CSGALNACT1: variants seen among roughly 807,000 people sequenced by gnomAD.
CSGALNACT1 encodes chondroitin sulfate N-acetylgalactosaminyltransferase 1.
A neutral mutation model predicts 51.0 loss-of-function variants in CSGALNACT1; 52 were observed. The observed-to-expected ratio is 1.02, with a 90% CI of 0.82 to 1.29. The LOEUF is 1.29. Ranked by LOEUF, CSGALNACT1 falls within the 50% of genes most tolerant of loss-of-function variation. The probability of loss-of-function intolerance (pLI) is 0.00; values close to 1 mark genes in which losing one functional copy is unlikely to be tolerated. For synonymous variants in CSGALNACT1, 341 were observed against 254.4 expected, an observed-to-expected ratio of 1.34 and a Z score of -3.24; for missense variants, 935 against 679.2, an observed-to-expected ratio of 1.38 and a Z score of -4.19.
intron 4 of CSGALNACT1, among the ~76,000 whole-genome samples, chr8:19,474,869 G>GAAAAAAAAAAAAAAAA (rs10683237): frequency 9.3e-5 from 8 of 86,146 alleles, no homozygotes; most frequent in East Asian, 3.5e-4. Context: ...CTCTGTCTCA[G>GAAAAAAAAAAAAAAAA]AAAAAAAAAA....
chr8:19,468,257 C>T (rs906865999), intron 4 of CSGALNACT1, among the ~76,000 whole-genome samples: 1 of 152,234 alleles, frequency 6.6e-6, no homozygotes. Flanking sequence ...GAAAGATAAT[C>T]GTGGAAGCAA....
chr8:19,603,044 G>A (rs368390117), upstream of CSGALNACT1, among the ~76,000 whole-genome samples: 12 of 100,262 alleles, frequency 1.2e-4, no homozygotes, highest in South Asian at 1.5e-3. Flanking sequence ...ATTACTGTGT[G>A]TATACACACA....
chr8:19,605,639 C>T (rs536424175), upstream of CSGALNACT1, among the ~76,000 whole-genome samples: 1 of 151,962 alleles, frequency 6.6e-6, no homozygotes. Flanking sequence ...GCAGGATGTG[C>T]GTGAGAGCGG....
intron 4 of CSGALNACT1, among the ~76,000 whole-genome samples, chr8:19,461,276 C>T (rs962557718): frequency 1.3e-5 from 2 of 152,212 alleles, no homozygotes; most frequent in African/African-American, 4.8e-5. Flanking sequence ...TTCATTCCTT[C>T]AGGAATGTAG....
intron 1 of CSGALNACT1, among the ~76,000 whole-genome samples, chr8:19,704,271 C>G (rs778871304): frequency 6.6e-6 from 1 of 152,172 alleles, no homozygotes; most frequent in Admixed American, 6.5e-5. Context: ...ACAGACCCTT[C>G]CAGGCCGATA....
At chr8:19,709,198 A>T (rs779747284) in intron 1 of CSGALNACT1, among the ~76,000 whole-genome samples, 6 of 152,230 alleles carry the variant, frequency 3.9e-5, no homozygotes, top group Non-Finnish European at 8.8e-5. Flanking sequence ...GCTATGCTGG[A>T]AAGAAGCTAA....
At chr8:19,436,505 T>C (rs2060398412) in intron 6 of CSGALNACT1, among the ~76,000 whole-genome samples, 1 of 152,196 alleles carries the variant, frequency 6.6e-6, no homozygotes, top group African/African-American at 2.4e-5. Flanking sequence ...CTATAATTTA[T>C]GCAAGTTACA....
At chr8:19,553,390 A>G (rs1460676287) in intron 3 of CSGALNACT1, among the ~76,000 whole-genome samples, 29 of 151,972 alleles carry the variant, frequency 1.9e-4, no homozygotes, top group Non-Finnish European at 2.9e-5. Context: ...AAATTTCACT[A>G]AATGCCTGTG....
chr8:19,552,820 A>T (rs894834205), intron 3 of CSGALNACT1, among the ~76,000 whole-genome samples: 1 of 152,194 alleles, frequency 6.6e-6, no homozygotes, highest in Non-Finnish European at 1.5e-5. Context: ...ACAGAATGTA[A>T]AGAACTTTTC....
chr8:19,581,562 G>A lies in CSGALNACT1; in HGVS notation c.-297+9598C>T, dbSNP rs117642852. Among the ~76,000 whole-genome samples the A allele has an allele frequency of 7.6e-3, 1,153 of 152,228 alleles. 9 individuals are homozygous for A. Among genetic ancestry groups the A allele is most frequent in the Admixed American group, 0.012 (189 of 15,280 alleles). Reference sequence around the variant, plus strand: ...TCGGAGGTTGCAGTGAGCCGAGATCGTGCCACTGCACTCCAGCCTGGTGAC... The same window carrying A: ...TCGGAGGTTGCAGTGAGCCGAGATCATGCCACTGCACTCCAGCCTGGTGAC... On this transcript the variant is annotated intron_variant, in intron 3 of 9. Transcript: ENST00000454498.
intron 8 of CSGALNACT1, among the ~76,000 whole-genome samples, chr8:19,415,281 G>A (rs917645335): frequency 1.3e-5 from 2 of 152,188 alleles, no homozygotes; most frequent in East Asian, 1.9e-4. Context: ...CGTAGGCAGC[G>A]AGCACTCAAG....
At chr8:19,516,090 A>C (rs1356504790) in intron 3 of CSGALNACT1, among the ~76,000 whole-genome samples, 1 of 152,198 alleles carries the variant, frequency 6.6e-6, no homozygotes, top group Non-Finnish European at 1.5e-5. Context: ...TGAGAACCGC[A>C]TGAAACCAGC....
intron 1 of CSGALNACT1, among the ~76,000 whole-genome samples, chr8:19,693,691 C>A (rs1180522380): frequency 3.3e-5 from 5 of 152,028 alleles, no homozygotes; most frequent in Non-Finnish European, 4.4e-5. Flanking sequence ...AGTTTTGATA[C>A]CAGTTCATCC....
chr8:19,630,303 T>C (rs1251501203), intron 1 of CSGALNACT1, among the ~76,000 whole-genome samples: 4 of 151,880 alleles, frequency 2.6e-5, no homozygotes, highest in African/African-American at 9.7e-5. Context: ...TTTCATATAA[T>C]TTCTTGCTAA....
At chr8:19,691,254 CT>C (rs914797198) in intron 1 of CSGALNACT1, among the ~76,000 whole-genome samples, 1 of 152,146 alleles carries the variant, frequency 6.6e-6, no homozygotes, top group African/African-American at 2.4e-5. Context: ...AGCTGGGTTC[CT>C]GGGAAGTTCC....
At position 19,723,681 on chromosome 8, in the gene CSGALNACT1, T is replaced by C. The variant is rs180934386; in HGVS notation, c.-297+34169A>G. Among the ~76,000 whole-genome samples the C allele has an allele frequency of 2.5e-3, 388 of 152,286 alleles. 5 individuals are homozygous for C. The highest frequency in any genetic ancestry group is 4.0e-4 in the Non-Finnish European group (27 of 68,014). ...TTCCTCCCACACTAGGATGTACTTTTTGGAAAAAGTGCCTCCTTTGAAAAG... is the reference window on the plus strand; with the variant it reads ...TTCCTCCCACACTAGGATGTACTTTCTGGAAAAAGTGCCTCCTTTGAAAAG... On this transcript the variant is annotated intron_variant, in intron 1 of 1. Coordinates refer to the CSGALNACT1 transcript ENST00000517494.
chr8:19,729,837 G>C (rs892756550), intron 1 of CSGALNACT1, among the ~76,000 whole-genome samples: 3 of 152,044 alleles, frequency 2.0e-5, no homozygotes, highest in Non-Finnish European at 4.4e-5. Context: ...TTAGAAGGAA[G>C]AGCTGAACGG....
At chr8:19,431,780 G>T (rs2059685147) in intron 6 of CSGALNACT1, among the ~76,000 whole-genome samples, 1 of 150,836 alleles carries the variant, frequency 6.6e-6, no homozygotes, top group African/African-American at 2.4e-5. Flanking sequence ...CAGCAGCGAA[G>T]CCTGGGCTTT....
intron 3 of CSGALNACT1, among the ~76,000 whole-genome samples, chr8:19,547,625 A>G (rs1235007436): frequency 2.0e-5 from 3 of 152,180 alleles, no homozygotes. Flanking sequence ...CTGTGAGTCC[A>G]CTAAATCTCT....
Sources: gnomAD v4.1 joint callset for allele counts (sites outside exome capture counted in the v4.1 genomes callset) on GRCh38, gnomAD v4.1.1 for gene constraint, MANE v1.5 for transcripts, NCBI Gene and HGNC (gene_info 2026-07-23, HGNC 2026-07-21) for gene names.